Variants in SEH1L observed in about 807,000 individuals in gnomAD.
SEH1L encodes SEH1 like nucleoporin, also known as nucleoporin SEH1.
Under a neutral mutation model 49.5 loss-of-function variants are expected in SEH1L, and 18 were observed. The observed-to-expected ratio is 0.36, with a 90% CI of 0.25 to 0.54. SEH1L has a LOEUF of 0.54. SEH1L is among the 20% of genes least tolerant of loss of function. The pLI is 0.87. For missense variants in SEH1L, 404 were observed against 528.8 expected, an observed-to-expected ratio of 0.76 and a Z score of 2.31; for synonymous variants, 169 against 178.1, an observed-to-expected ratio of 0.95 and a Z score of 0.41.
intron 6 of SEH1L, among the ~76,000 whole-genome samples, chr18:12,979,715 C>A (rs1183746807): frequency 6.9e-6 from 1 of 144,590 alleles, no homozygotes; most frequent in Non-Finnish European, 1.5e-5. Flanking sequence ...CCCCACCTCC[C>A]TCCCGGACGG....
intron 7 of SEH1L, chr18:12,982,912 T>C (rs1422071342): frequency 2.9e-6 from 1 of 343,628 alleles, no homozygotes; most frequent in Non-Finnish European, 5.3e-6. Flanking sequence ...TACAACAGAA[T>C]ATGCAATATC....
In SEH1L at chr18:12,978,785, C is replaced by G. The variant is rs758908748; in HGVS notation, c.654C>G (p.Val218=). 3 of 1,613,260 alleles carry G rather than the reference C, an allele frequency of 1.9e-6. No individual in the cohort carries two copies. The Admixed American group carries it at 5.0e-5, about 27-fold the overall frequency. Residue 218 remains valine (V), a synonymous_variant, in exon 6 of 9, where the codon GTC becomes GTG. Coordinates refer to ENST00000399892, the MANE Select transcript of SEH1L (RefSeq NM_001013437.2). ...CAAAAGCTGAAACTCTTATGACAGT[C>G]ACTGATCCTGTTCATGATATTGCAT... ...KYAKAETLMT[V]TDPVHDIAFA... is the part of the protein sequence containing the mutation.
At chr18:12,964,092 T>C (rs2031323249) in intron 4 of SEH1L, among the ~76,000 whole-genome samples, 2 of 152,248 alleles carry the variant, frequency 1.3e-5, no homozygotes, top group African/African-American at 4.8e-5. Flanking sequence ...CATATATTAA[T>C]ATATCTAGTC....
intron 4 of SEH1L, among the ~76,000 whole-genome samples, chr18:12,966,894 C>T (rs1159410535): frequency 6.6e-6 from 1 of 152,208 alleles, no homozygotes; most frequent in Non-Finnish European, 1.5e-5. Context: ...TACTCCATCT[C>T]CCAGATCTCC....
intron 5 of SEH1L, chr18:12,978,449 G>A (rs192246658): frequency 5.7e-3 from 1,194 of 210,492 alleles, no homozygotes; most frequent in South Asian, 8.6e-3. Flanking sequence ...CTGTCTCTGC[G>A]TTTCTTCTCT....
In SEH1L at chr18:12,963,044, A is replaced by G. The variant is rs186060747; in HGVS notation, c.310-116A>G. The G allele has an allele frequency of 3.2e-4, 217 of 687,276 alleles. No homozygotes were observed. The African/African-American group carries it at 3.5e-3, about 11-fold the overall frequency. The allele number at this position is 687,276 out of a possible 1,614,324, so 42.6% of individuals were successfully genotyped here. ...GTGGCCCAGAGATGTATCCAAGCTTATATACCTAGTGAATGATAGAGGAGT... is the reference window on the plus strand; with the variant it reads ...GTGGCCCAGAGATGTATCCAAGCTTGTATACCTAGTGAATGATAGAGGAGT... On this transcript the variant is annotated intron_variant, in intron 3 of 8. Transcript: ENST00000399892.
chr18:12,971,998 G>A (rs1245416454), intron 5 of SEH1L: 1 of 152,222 alleles, frequency 6.6e-6, no homozygotes, highest in Non-Finnish European at 1.5e-5. Context: ...AAGAAGTAAT[G>A]TCCATTGTTT....
intron 4 of SEH1L, chr18:12,964,463 T>G (rs1304206683): frequency 3.3e-5 from 5 of 152,142 alleles, no homozygotes; most frequent in Admixed American, 6.5e-5. Context: ...AAAAGATGAA[T>G]AGAGCACATT....
intron 4 of SEH1L, among the ~76,000 whole-genome samples, chr18:12,967,786 C>G (rs148368192): frequency 6.6e-6 from 1 of 152,060 alleles, no homozygotes; most frequent in African/African-American, 2.4e-5. Flanking sequence ...TGGTGGTGTG[C>G]GCCTGTACTC....
At position 12,981,849 on chromosome 18, in the gene SEH1L, C is replaced by CTTTTTTTTT. The variant is rs1467685892; in HGVS notation, c.762-669_762-668insTTTTTTTTT. ...ATTCTTTCCTACTTGCTGCCCTGCC[C>CTTTTTTTTT]ATTTTTTTTTTTTTTTTTTTTTTTT... On this transcript the variant is annotated intron_variant, in intron 6 of 8. Coordinates refer to ENST00000399892, the MANE Select transcript of SEH1L (RefSeq NM_001013437.2). 8.1e-4 allele frequency among the ~76,000 whole-genome samples: 83 copies of CTTTTTTTTT among 102,474 alleles called. 7 individuals are homozygous for CTTTTTTTTT. The highest frequency in any genetic ancestry group is 1.9e-3 in the African/African-American group (42 of 21,694). The allele number at this position is 102,474 out of a possible 152,430, so 67.2% of individuals were successfully genotyped here.
intron 1 of SEH1L, among the ~76,000 whole-genome samples, chr18:12,949,971 C>A (rs1002362340): frequency 7.9e-5 from 12 of 152,064 alleles, no homozygotes; most frequent in African/African-American, 2.4e-4. Flanking sequence ...TAAATAGAAT[C>A]ATAGAATATT....
At chr18:12,980,108 A>T (rs1324219350) in intron 6 of SEH1L, among the ~76,000 whole-genome samples, 1 of 91,948 alleles carries the variant, frequency 1.1e-5, no homozygotes, top group Non-Finnish European at 2.1e-5. Context: ...TCCCTCCCGG[A>T]CAGGGCGGCT....
intron 2 of SEH1L, among the ~76,000 whole-genome samples, chr18:12,952,160 ATTG>A (rs780513793): frequency 7.3e-5 from 11 of 151,030 alleles, no homozygotes; most frequent in Non-Finnish European, 1.5e-4. Context: ...ACATATTTTA[ATTG>A]TTGTGATGTT....
rs1297299192 is a variant in SEH1L at position 12,955,625 on chromosome 18, G to A, written c.309+16G>A. 1 of 1,612,506 alleles carries A rather than the reference G, an allele frequency of 6.2e-7. No homozygotes were observed. The highest frequency in any genetic ancestry group is 2.2e-5 in the East Asian group (1 of 44,874). On this transcript the variant is annotated intron_variant, in intron 3 of 8. Coordinates refer to ENST00000399892, the MANE Select transcript of SEH1L (RefSeq NM_001013437.2). ...GAGCCACTGGGTGAGACATTTATTA[G>A]TATTCTGGGGACCGGGAAGACATGA...
chr18:12,960,573 G>A (rs535261506), intron 3 of SEH1L, among the ~76,000 whole-genome samples: 1 of 152,204 alleles, frequency 6.6e-6, no homozygotes, highest in African/African-American at 2.4e-5. Context: ...CTCAGGGGAG[G>A]AGTATGTCTG....
At chr18:12,954,684 T>G (rs2030747960) in intron 2 of SEH1L, among the ~76,000 whole-genome samples, 2 of 152,112 alleles carry the variant, frequency 1.3e-5, no homozygotes, top group Non-Finnish European at 2.9e-5. Flanking sequence ...CCCAGACTGG[T>G]CTTGAACCCC....
chr18:12,951,298 C>T (rs1229239647), intron 1 of SEH1L, among the ~76,000 whole-genome samples: 1 of 152,166 alleles, frequency 6.6e-6, no homozygotes, highest in Non-Finnish European at 1.5e-5. Flanking sequence ...GGCCTCCAAG[C>T]GTAGTGACTG....
At chr18:12,960,442 G>C (rs570549327) in intron 3 of SEH1L, among the ~76,000 whole-genome samples, 2 of 152,172 alleles carry the variant, frequency 1.3e-5, no homozygotes, top group African/African-American at 2.4e-5. Context: ...ATATATGGAG[G>C]ATTGCATTCT....
At chr18:12,981,939 A>G (rs1187577601) in intron 6 of SEH1L, among the ~76,000 whole-genome samples, 1 of 135,576 alleles carries the variant, frequency 7.4e-6, no homozygotes, top group African/African-American at 2.9e-5. Flanking sequence ...GGCTCACTGC[A>G]ACCTCCACCT....
Sources: allele counts gnomAD v4.1 joint callset (sites outside exome capture counted in the v4.1 genomes callset), GRCh38; gene constraint gnomAD v4.1.1; transcripts MANE v1.5; gene names NCBI Gene and HGNC (gene_info 2026-07-23, HGNC 2026-07-21).